Variants in SRGAP1 observed in about 807,000 individuals in gnomAD.
SRGAP1 encodes SLIT-ROBO Rho GTPase-activating protein 1.
A neutral mutation model predicts 121.9 loss-of-function variants in SRGAP1; 43 were observed. The observed-to-expected ratio is 0.35, with a 90% CI of 0.28 to 0.46. The LOEUF (loss-of-function observed/expected upper bound fraction) is 0.46, where lower values mean the gene tolerates loss of function less well. SRGAP1 is among the 20% of genes least tolerant of loss of function. The pLI is 1.00. For missense variants in SRGAP1, 1,102 were observed against 1,350.9 expected (o/e 0.82, Z 2.89); for synonymous variants, 447 against 485.4 (o/e 0.92, Z 1.04).
chr12:64,112,005 GTC>G lies in SRGAP1; in HGVS notation c.2144+20_2144+21del. 1 of 1,592,202 alleles carries G rather than the reference GTC, an allele frequency of 6.3e-7. No homozygotes were observed. The highest frequency in any genetic ancestry group is 1.1e-5 in the South Asian group (1 of 90,152). ...ACTATTGGTAAGTCTAAGAATTTTA[GTC>G]CTCCTCTCCCACCGAAAATTATGGA... is the stretch of plus-strand genomic sequence containing the variant. On this transcript the variant is annotated intron_variant, in intron 17 of 21. Transcript: ENST00000355086.
chr12:63,940,967 A>T (rs1010894525), intron 1 of SRGAP1, among the ~76,000 whole-genome samples: 1 of 152,098 alleles, frequency 6.6e-6, no homozygotes, highest in East Asian at 1.9e-4. Context: ...TTTACTCTAG[A>T]TGAGAGCTGG....
intron 4 of SRGAP1, 52 bp from the exon 5 acceptor site, chr12:64,042,736 ACT>A: frequency 7.0e-7 from 1 of 1,437,152 alleles, no homozygotes; most frequent in East Asian, 2.3e-5. Flanking sequence ...GTTCCCATTC[ACT>A]CTCTAAATGA....
At chr12:63,985,489 T>C (rs1418796727) in intron 2 of SRGAP1, among the ~76,000 whole-genome samples, 1 of 152,088 alleles carries the variant, frequency 6.6e-6, no homozygotes, top group Non-Finnish European at 1.5e-5. Flanking sequence ...GTTTTGGAGA[T>C]AGTAAAAAGA....
chr12:64,122,940 C>T (rs1002532531), intron 18 of SRGAP1, among the ~76,000 whole-genome samples: 6 of 151,932 alleles, frequency 3.9e-5, no homozygotes, highest in African/African-American at 1.5e-4. Context: ...TCATAGAGGT[C>T]GTGATTGTGC....
chr12:63,903,681 C>T (rs574821202), intron 1 of SRGAP1, among the ~76,000 whole-genome samples: 2 of 152,232 alleles, frequency 1.3e-5, no homozygotes, highest in Non-Finnish European at 2.9e-5. Flanking sequence ...GTTGCCCAGG[C>T]TGGAGTGCAG....
Position 64,079,117 on chromosome 12 carries a change from G to A in SRGAP1, c.1323+1G>A. ...GGAAACTGAACAGTTCTACTTCATG[G>A]TGTGCCCGCCACTTCCCAAGCCACT... On this transcript the variant is annotated splice_donor_variant, in intron 9 of 21. Transcript: ENST00000355086. LOFTEE classifies it high-confidence loss of function. 1 of 1,602,310 alleles carries A rather than the reference G, an allele frequency of 6.2e-7. No homozygotes were observed. Among genetic ancestry groups the A allele is most frequent in the Non-Finnish European group, 8.5e-7 (1 of 1,174,692 alleles).
At chr12:63,923,352 A>G (rs894438027) in intron 1 of SRGAP1, among the ~76,000 whole-genome samples, 17 of 152,204 alleles carry the variant, frequency 1.1e-4, no homozygotes, top group African/African-American at 2.2e-4. Flanking sequence ...TACTTACAAC[A>G]TCTTTTATAA....
At chr12:63,970,235 G>A (rs564214265) in intron 1 of SRGAP1, among the ~76,000 whole-genome samples, 339 of 152,322 alleles carry the variant, frequency 2.2e-3, no homozygotes, top group Admixed American at 5.0e-3. Flanking sequence ...TAATTAGGGG[G>A]AGAGGTGGTG....
chr12:63,989,981 A>G lies in SRGAP1; in HGVS notation c.335A>G (p.Lys112Arg). Residue 112 changes from lysine (K) to arginine (R), a missense_variant, in exon 3 of 22, where the codon AAA (lysine) becomes AGA (arginine). Around this residue, in one of 3 missense-constraint regions of SRGAP1, gnomAD observed 747 missense variants for 929.4 expected, o/e 0.80. Transcript: ENST00000355086. The stretch of plus-strand genomic sequence containing the variant: ...CTGAACCAAGTAAGGAGAGAAAGCA[A>G]AGACCATGCAACCTTGAGTGACATC... ...LLLNQVRRES[K>R]DHATLSDIYL... 1 of 1,614,024 alleles carries G rather than the reference A, an allele frequency of 6.2e-7. No individual in the cohort carries two copies. Among genetic ancestry groups the G allele is most frequent in the Non-Finnish European group, 8.5e-7 (1 of 1,179,912 alleles).
chr12:63,871,917 T>C, intron 1 of SRGAP1: 5 of 1,402,168 alleles, frequency 3.6e-6, no homozygotes, highest in Non-Finnish European at 5.1e-6. Context: ...CTGCCCACCA[T>C]AGCCACTCTG....
intron 1 of SRGAP1, among the ~76,000 whole-genome samples, chr12:63,877,328 A>G (rs1390938943): frequency 6.6e-6 from 1 of 152,308 alleles, no homozygotes; most frequent in East Asian, 1.9e-4. Context: ...TTCTCTGCCA[A>G]TGCTTTCTTC....
intron 15 of SRGAP1, among the ~76,000 whole-genome samples, chr12:64,099,866 A>T (rs2036226778): frequency 6.6e-6 from 1 of 152,152 alleles, no homozygotes; most frequent in Non-Finnish European, 1.5e-5. Context: ...CCATTATAGA[A>T]TCATTTCACA....
At chr12:63,960,303 G>T (rs2032599259) in intron 1 of SRGAP1, among the ~76,000 whole-genome samples, 1 of 152,090 alleles carries the variant, frequency 6.6e-6, no homozygotes, top group Non-Finnish European at 1.5e-5. Flanking sequence ...CGGAGCTTCT[G>T]TGGGTTCCAG....
chr12:63,890,234 G>A (rs1045817007), intron 1 of SRGAP1, among the ~76,000 whole-genome samples: 2 of 152,166 alleles, frequency 1.3e-5, no homozygotes, highest in South Asian at 4.1e-4. Context: ...GCGTGAAACC[G>A]TTTGTTTTTG....
chr12:64,125,583 G>A lies in SRGAP1; in HGVS notation c.2225-394G>A, dbSNP rs563009886. Reference sequence around the variant, plus strand: ...ATAAATGGTATTAACATGTTACAAGGAAATTCCCTCAGTGTCATCTATCAA... The same window carrying A: ...ATAAATGGTATTAACATGTTACAAGAAAATTCCCTCAGTGTCATCTATCAA... On this transcript the variant is annotated intron_variant, in intron 18 of 21. Transcript: ENST00000355086. Among the ~76,000 whole-genome samples the A allele has an allele frequency of 1.2e-4, 18 of 152,214 alleles. No homozygotes were observed. The South Asian group carries it at 3.5e-3, about 30-fold the overall frequency.
intron 10 of SRGAP1, among the ~76,000 whole-genome samples, chr12:64,086,293 A>G (rs1397460327): frequency 6.6e-6 from 1 of 152,228 alleles, no homozygotes; most frequent in Non-Finnish European, 1.5e-5. Context: ...AACACATGCA[A>G]ACTTGAAATT....
chr12:63,976,732 G>T (rs2033105887), intron 1 of SRGAP1, among the ~76,000 whole-genome samples: 1 of 152,244 alleles, frequency 6.6e-6, no homozygotes, highest in Non-Finnish European at 1.5e-5. Context: ...TGTGAGGTGG[G>T]AAGTATTGTT....
chr12:63,854,622 ACTT>A (rs545980550), intron 1 of SRGAP1, among the ~76,000 whole-genome samples: 109 of 152,300 alleles, frequency 7.2e-4, no homozygotes, highest in African/African-American at 2.5e-3. Flanking sequence ...TATTCTTATG[ACTT>A]CAATTTTATA....
At chr12:64,088,850 G>A (rs1420794746) in intron 11 of SRGAP1, among the ~76,000 whole-genome samples, 2 of 152,166 alleles carry the variant, frequency 1.3e-5, no homozygotes, top group Non-Finnish European at 2.9e-5. Flanking sequence ...ATGATTCAGT[G>A]CATTGGAGGT....
Sources: allele counts gnomAD v4.1 joint callset (sites outside exome capture counted in the v4.1 genomes callset), GRCh38; gene constraint gnomAD v4.1.1; regional missense constraint gnomAD v4.1.1; transcripts MANE v1.5; gene names NCBI Gene and HGNC (gene_info 2026-07-23, HGNC 2026-07-21).